PNISR: variants seen among roughly 807,000 people sequenced by gnomAD.
The protein encoded by PNISR is PNN interacting serine and arginine rich protein.
A neutral mutation model predicts 93.4 loss-of-function variants in PNISR; 20 were observed. The observed-to-expected ratio is 0.21, with a 90% CI of 0.15 to 0.31. The LOEUF (loss-of-function observed/expected upper bound fraction) is 0.31, where lower values mean the gene tolerates loss of function less well. Ranked by LOEUF, PNISR falls within the 10% of genes least tolerant of loss-of-function variation. The pLI, the probability that PNISR is intolerant of heterozygous loss-of-function variation, is 1.00. For synonymous variants in PNISR, 305 were observed against 306.5 expected, an observed-to-expected ratio of 0.99 and a Z score of 0.05; for missense variants, 893 against 985.4, an observed-to-expected ratio of 0.91 and a Z score of 1.25.
At chr6:99,417,810 A>G (rs1777906795) in intron 1 of PNISR, among the ~76,000 whole-genome samples, 1 of 152,006 alleles carries the variant, frequency 6.6e-6, no homozygotes, top group Admixed American at 6.6e-5. Flanking sequence ...CTACTAAAAA[A>G]TACAAAAATT....
Position 99,400,708 on chromosome 6 carries a change from T to G in PNISR, c.2250A>C (p.Lys750Asn), listed in dbSNP as rs201782750. 3.7e-6 allele frequency: 6 copies of G among 1,613,080 alleles called. No individual in the cohort carries two copies. In the African/African-American group the frequency reaches 8.0e-5, roughly 22 times the overall value. ...TTCCACTAGAATCAGAGCCTGAATG[T>G]TTTTTACTATCTTTGGTAGTACTTT... ...SKKSTTKDSK[K>N]HSGSDSSGRS... The change falls in exon 12 of 12, where the codon AAA (lysine) becomes AAC (asparagine). Residue 750 changes from lysine (K) to asparagine (N), a missense_variant. Lys to Asn is a moderately conservative substitution (Grantham distance 94, BLOSUM62 0). Coordinates refer to ENST00000369239, the MANE Select transcript of PNISR (RefSeq NM_032870.4).
At position 99,400,470 on chromosome 6, in the gene PNISR, G is replaced by C; in HGVS notation, c.*70C>G. 6.5e-7 allele frequency: 1 copy of C among 1,527,546 alleles called. No homozygotes were observed. The highest frequency in any genetic ancestry group is 8.8e-7 in the Non-Finnish European group (1 of 1,141,442). The allele number at this position is 1,527,546 out of a possible 1,614,324, so 94.6% of individuals were successfully genotyped here. A position where few individuals can be genotyped will look rare whatever the true frequency, so the allele number is the denominator to read the frequency against. ...GAGTTTATTAAAGAGAGAGAGAAAG[G>C]ACACTTTCAACTTTGAATAAATTCA... On this transcript the variant is annotated 3_prime_UTR_variant, in exon 12 of 12. Coordinates refer to ENST00000369239, the MANE Select transcript of PNISR (RefSeq NM_032870.4).
chr6:99,421,863 A>G (rs1778605632), intron 1 of PNISR, among the ~76,000 whole-genome samples: 1 of 152,178 alleles, frequency 6.6e-6, no homozygotes, highest in Non-Finnish European at 1.5e-5. Flanking sequence ...ACTTGTTTAA[A>G]TGACAATCAT....
At position 99,414,710 on chromosome 6, in the gene PNISR, G is replaced by A; in HGVS notation, c.-31-20C>T. 8.9e-7 allele frequency: 1 copy of A among 1,120,728 alleles called. No individual in the cohort carries two copies. 69.4% of individuals were successfully genotyped at this position (1,120,728 alleles called of 1,614,324 possible). A position where few individuals can be genotyped will look rare whatever the true frequency, so the allele number is the denominator to read the frequency against. ...TTCTATCTTCAATAAATTAAACATA[G>A]TTTAAAAATTATAGTGAGTTATTTA... On this transcript the variant is annotated intron_variant, in intron 2 of 11. Coordinates refer to ENST00000369239, the MANE Select transcript of PNISR (RefSeq NM_032870.4).
In PNISR at chr6:99,414,554, T is replaced by C; in HGVS notation, c.88+18A>G. 7.3e-7 allele frequency: 1 copy of C among 1,377,740 alleles called. No individual in the cohort carries two copies. The highest frequency in any genetic ancestry group is 1.0e-6 in the Non-Finnish European group (1 of 966,592). The allele number at this position is 1,377,740 out of a possible 1,614,324, so 85.3% of individuals were successfully genotyped here. On this transcript the variant is annotated intron_variant, in intron 3 of 11. Coordinates refer to ENST00000369239, the MANE Select transcript of PNISR (RefSeq NM_032870.4). ...ACATATCCAACCCCGCCCTTTCAAA[T>C]TCAATTTGTTTCCTTACTTGGATCC...
At chr6:99,421,833 C>T (rs1778600823) in intron 1 of PNISR, among the ~76,000 whole-genome samples, 1 of 152,132 alleles carries the variant, frequency 6.6e-6, no homozygotes, top group Non-Finnish European at 1.5e-5. Context: ...AGAACTTCAT[C>T]GCTTTGAGGT....
chr6:99,423,845 G>A (rs1003085881), intron 1 of PNISR, among the ~76,000 whole-genome samples: 3 of 152,248 alleles, frequency 2.0e-5, no homozygotes, highest in Admixed American at 1.3e-4. Flanking sequence ...GCTCTATGGG[G>A]TTGATTTCAT....
At chr6:99,421,027 GCTA>G (rs759892085) in intron 1 of PNISR, among the ~76,000 whole-genome samples, 1 of 152,204 alleles carries the variant, frequency 6.6e-6, no homozygotes, top group East Asian at 1.9e-4. Context: ...TTCCAATATT[GCTA>G]CTGTGATTTT....
chr6:99,402,381 C>T (rs1271071414), intron 11 of PNISR, among the ~76,000 whole-genome samples, 159 bp downstream of exon 11: 1 of 152,056 alleles, frequency 6.6e-6, no homozygotes, highest in East Asian at 1.9e-4. Context: ...ATAAATGGCT[C>T]CTAAAACAAC....
At position 99,400,169 on chromosome 6, in the gene PNISR, A is replaced by G. The variant is rs1775281853; in HGVS notation, c.*371T>C. 1 of 195,406 alleles carries G rather than the reference A, an allele frequency of 5.1e-6. No homozygotes were observed. The highest frequency in any genetic ancestry group is 1.8e-4 in the South Asian group (1 of 5,696). 12.1% of individuals were successfully genotyped at this position (195,406 alleles called of 1,614,324 possible). ...CACCTATTTACAGATTAAAAAAAAAAAAGATTCTGGTTTCACCTACACAGC... is the reference window on the plus strand; with the variant it reads ...CACCTATTTACAGATTAAAAAAAAAGAAGATTCTGGTTTCACCTACACAGC... On this transcript the variant is annotated 3_prime_UTR_variant, in exon 12 of 12. Coordinates refer to ENST00000369239, the MANE Select transcript of PNISR (RefSeq NM_032870.4).
intron 1 of PNISR, among the ~76,000 whole-genome samples, chr6:99,419,991 T>C (rs1778325644): frequency 6.6e-6 from 1 of 151,998 alleles, no homozygotes; most frequent in Admixed American, 6.5e-5. Context: ...CTCACACCAT[T>C]CTCCTGCCTC....
chr6:99,401,365 G>C lies in PNISR; in HGVS notation c.1593C>G (p.Val531=). 6.2e-7 allele frequency: 1 copy of C among 1,612,390 alleles called. No individual in the cohort carries two copies. The highest frequency in any genetic ancestry group is 8.5e-7 in the Non-Finnish European group (1 of 1,178,506). The change falls in exon 12 of 12, where the codon GTC becomes GTG. Residue 531 remains valine, a synonymous_variant. Transcript: ENST00000369239. ...AGCTAGAACTGTATGAAGAGCTAGA[G>C]ACAGTACTACTAGTACTACTAGTTC... ...NSRTSSTSST[V]SSSSYSSSSG... is the part of the protein sequence containing the mutation.
intron 3 of PNISR, 127 bp from the exon 4 acceptor site, chr6:99,412,866 G>C: frequency 1.9e-6 from 1 of 540,214 alleles, no homozygotes; most frequent in Non-Finnish European, 3.0e-6. Context: ...GGGTATGAGG[G>C]AAATTAGAAA....
intron 1 of PNISR, among the ~76,000 whole-genome samples, chr6:99,422,784 G>T (rs531209782): frequency 2.0e-5 from 3 of 147,116 alleles, no homozygotes; most frequent in Non-Finnish European, 3.0e-5. Flanking sequence ...TGAGGCAGGA[G>T]AATCACTTGA....
Position 99,409,291 on chromosome 6 carries a change from T to A in PNISR, c.555A>T (p.Gln185His). 6.2e-7 allele frequency: 1 copy of A among 1,613,964 alleles called. No homozygotes were observed. Among genetic ancestry groups the A allele is most frequent in the Non-Finnish European group, 8.5e-7 (1 of 1,179,948 alleles). The change falls in exon 6 of 12, where the codon CAA becomes CAT. Residue 185 changes from glutamine to histidine, a missense_variant. Around this residue, in one of 3 missense-constraint regions of PNISR, gnomAD observed 866 missense variants for 935.1 expected, o/e 0.93. Transcript: ENST00000369239. ...PQGGFHPPYW[Q>H]PGPPGPPAPP... ...GTGCTGGAGGTCCTGGAGGTCCTGG[T>A]TGCCAATAAGGAGGATGAAATCCAC...
At chr6:99,419,152 C>CAAAAAAAAAAAAAAAAAAAAAAAAAA (rs1166838873) in intron 1 of PNISR, among the ~76,000 whole-genome samples, 1 of 19,824 alleles carries the variant, frequency 5.0e-5, no homozygotes, top group Non-Finnish European at 9.6e-5. Flanking sequence ...GACTCCGTCT[C>CAAAAAAAAAAAAAAAAAAAAAAAAAA]AAAAAAAAAA....
Position 99,400,377 on chromosome 6 carries a change from T to G in PNISR, c.*163A>C, listed in dbSNP as rs1301793433. 2 of 1,161,574 alleles carry G rather than the reference T, an allele frequency of 1.7e-6. No individual in the cohort carries two copies. The highest frequency in any genetic ancestry group is 2.2e-6 in the Non-Finnish European group (2 of 926,986). The allele number at this position is 1,161,574 out of a possible 1,614,324, so 72.0% of individuals were successfully genotyped here. A position where few individuals can be genotyped will look rare whatever the true frequency, so the allele number is the denominator to read the frequency against. ...GTATTTTAAATTAAAAATCTGCAATTTTAAATAAATAATATTATATAGGAT... is the reference window on the plus strand; with the variant it reads ...GTATTTTAAATTAAAAATCTGCAATGTTAAATAAATAATATTATATAGGAT... On this transcript the variant is annotated 3_prime_UTR_variant, in exon 12 of 12. Transcript: ENST00000369239.
Position 99,400,417 on chromosome 6 carries a change from A to C in PNISR, c.*123T>G. ...TTATATAGGATTTCTAACATTTAAGACTATGATTATTTATCAAGTACCAAA... is the reference window on the plus strand; with the variant it reads ...TTATATAGGATTTCTAACATTTAAGCCTATGATTATTTATCAAGTACCAAA... On this transcript the variant is annotated 3_prime_UTR_variant, in exon 12 of 12. Transcript: ENST00000369239. 1 of 1,334,814 alleles carries C rather than the reference A, an allele frequency of 7.5e-7. No homozygotes were observed. Among genetic ancestry groups the C allele is most frequent in the Non-Finnish European group, 9.8e-7 (1 of 1,023,262 alleles). 82.7% of individuals were successfully genotyped at this position (1,334,814 alleles called of 1,614,324 possible). A position where few individuals can be genotyped will look rare whatever the true frequency, so the allele number is the denominator to read the frequency against.
intron 4 of PNISR, 116 bp downstream of exon 4, chr6:99,412,435 T>C: frequency 3.9e-6 from 3 of 771,512 alleles, no homozygotes; most frequent in Non-Finnish European, 6.7e-6. Flanking sequence ...AACTGCCTAT[T>C]CTTTAAGAAG....
Sources: allele counts gnomAD v4.1 joint callset (sites outside exome capture counted in the v4.1 genomes callset), GRCh38; gene constraint gnomAD v4.1.1; regional missense constraint gnomAD v4.1.1; transcripts MANE v1.5; gene names NCBI Gene and HGNC (gene_info 2026-07-23, HGNC 2026-07-21).